Variants in LRRC36 observed in about 807,000 individuals in gnomAD.
LRRC36 encodes leucine rich repeat containing 36, also known as leucine-rich repeat-containing protein 36.
Under a neutral mutation model 81.1 loss-of-function variants are expected in LRRC36, and 62 were observed. The observed-to-expected ratio is 0.76, with a 90% confidence interval of 0.62 to 0.94. LRRC36 has a LOEUF of 0.94. Among genes scored for constraint, LRRC36 ranks in the 40% least tolerant of loss-of-function variants. The probability of loss-of-function intolerance (pLI) is 0.00; values close to 1 mark genes in which losing one functional copy is unlikely to be tolerated. For missense variants in LRRC36, 761 were observed against 881.7 expected (o/e 0.86, Z 1.73); for synonymous variants, 334 against 348.6 (o/e 0.96, Z 0.47).
At chr16:67,375,548 C>T (rs535044116) in intron 10 of LRRC36, 136 bp downstream of exon 10, 1 of 621,302 alleles carries the variant, frequency 1.6e-6, no homozygotes, top group Admixed American at 3.2e-5. Flanking sequence ...ATCTCAGAAA[C>T]ATCATAGTTA....
At chr16:67,341,144 A>G (rs2038053056) in intron 1 of LRRC36, among the ~76,000 whole-genome samples, 1 of 121,984 alleles carries the variant, frequency 8.2e-6, no homozygotes, top group Non-Finnish European at 1.7e-5. Context: ...ATTCTATAGA[A>G]TATGTACTCT....
At chr16:67,331,988 C>CA (rs909058321) in intron 1 of LRRC36, among the ~76,000 whole-genome samples, 51 of 129,040 alleles carry the variant, frequency 4.0e-4, no homozygotes, top group East Asian at 1.6e-3. Flanking sequence ...AACTCCATCT[C>CA]AAAAAAAAAA....
At chr16:67,366,921 G>A in intron 7 of LRRC36, 96 bp from the exon 8 acceptor site, 1 of 962,440 alleles carries the variant, frequency 1.0e-6, no homozygotes, top group South Asian at 1.6e-5. Context: ...AGGTGTTTCT[G>A]GCAGACAGAG....
chr16:67,359,844 T>G (rs1240588825), intron 5 of LRRC36, among the ~76,000 whole-genome samples: 1 of 152,180 alleles, frequency 6.6e-6, no homozygotes, highest in African/African-American at 2.4e-5. Flanking sequence ...GATTTTTGGC[T>G]GGGCATGGTG....
chr16:67,334,241 G>A (rs1323575633), intron 1 of LRRC36, among the ~76,000 whole-genome samples: 10 of 151,532 alleles, frequency 6.6e-5, no homozygotes, highest in African/African-American at 9.7e-5. Context: ...CCATGGTCTC[G>A]ATCTCCTGAC....
intron 7 of LRRC36, 142 bp from the exon 8 acceptor site, chr16:67,366,875 A>G (rs1241823957): frequency 3.1e-6 from 2 of 641,776 alleles, no homozygotes; most frequent in Non-Finnish European, 5.4e-6. Flanking sequence ...ACTTTATGCT[A>G]CCATTGATCA....
At chr16:67,362,590 C>A (rs780851784) in intron 5 of LRRC36, among the ~76,000 whole-genome samples, 3 of 152,192 alleles carry the variant, frequency 2.0e-5, no homozygotes, top group Non-Finnish European at 2.9e-5. Flanking sequence ...GGGGATGATA[C>A]TTCCACATTC....
intron 1 of LRRC36, among the ~76,000 whole-genome samples, chr16:67,331,135 T>C (rs1368118715): frequency 6.7e-6 from 1 of 148,980 alleles, no homozygotes; most frequent in Admixed American, 6.6e-5. Context: ...AATTCCTTTA[T>C]TAGGATAGCT....
intron 5 of LRRC36, among the ~76,000 whole-genome samples, chr16:67,360,977 G>A (rs770748483): frequency 2.4e-4 from 36 of 152,136 alleles, no homozygotes; most frequent in South Asian, 2.1e-4. Context: ...AGAATTATAC[G>A]TTAATAAATG....
chr16:67,376,981 T>C (rs2039925563), intron 11 of LRRC36, 109 bp downstream of exon 11: 1 of 1,216,118 alleles, frequency 8.2e-7, no homozygotes, highest in Non-Finnish European at 1.1e-6. Context: ...ATGGCAAAAG[T>C]CTGGGCACAG....
rs772682238 is a variant in LRRC36, at chr16:67,326,959, C to A, written c.70+27C>A. The A allele has an allele frequency of 2.7e-6, 4 of 1,488,176 alleles. No homozygotes were observed. The South Asian group carries it at 5.5e-5, about 20-fold the overall frequency. 92.2% of individuals were successfully genotyped at this position (1,488,176 alleles called of 1,614,324 possible). Reference sequence around the variant, plus strand: ...TAGGGTCTGGCCGGGAGGGTGTGGACTGGGAACGTAGGGTCAGAAGCTGTG... The same window carrying A: ...TAGGGTCTGGCCGGGAGGGTGTGGAATGGGAACGTAGGGTCAGAAGCTGTG... On this transcript the variant is annotated intron_variant, in intron 1 of 13. Transcript: ENST00000329956.
chr16:67,357,522 G>A (rs1027252351), intron 5 of LRRC36, among the ~76,000 whole-genome samples: 4 of 152,180 alleles, frequency 2.6e-5, no homozygotes, highest in African/African-American at 9.6e-5. Flanking sequence ...GAGAGGAAGG[G>A]GAGGAAAGAG....
chr16:67,358,782 A>C (rs1281841242), intron 5 of LRRC36, among the ~76,000 whole-genome samples: 2 of 152,194 alleles, frequency 1.3e-5, no homozygotes, highest in Non-Finnish European at 2.9e-5. Context: ...AAAGCACATG[A>C]AAGATGCTCA....
chr16:67,363,778 G>A (rs2039267603), intron 6 of LRRC36, 64 bp downstream of exon 6: 1 of 1,542,948 alleles, frequency 6.5e-7, no homozygotes, highest in Non-Finnish European at 8.9e-7. Context: ...TAATTCAGTG[G>A]GCTCTCAATT....
At chr16:67,336,764 TA>T (rs1301290427) in intron 1 of LRRC36, 1 of 132,686 alleles carries the variant, frequency 7.5e-6, no homozygotes, top group Non-Finnish European at 1.5e-5. Context: ...TTCTTTTGCC[TA>T]CTTTTTTTTT....
intron 12 of LRRC36, among the ~76,000 whole-genome samples, chr16:67,381,141 T>G (rs932138644): frequency 6.7e-6 from 1 of 150,206 alleles, no homozygotes; most frequent in Non-Finnish European, 1.5e-5. Flanking sequence ...GGAGAATTGC[T>G]TGAACCCAGG....
chr16:67,354,966 A>G (rs1357344715), intron 5 of LRRC36, among the ~76,000 whole-genome samples: 2 of 152,178 alleles, frequency 1.3e-5, no homozygotes, highest in African/African-American at 4.8e-5. Flanking sequence ...TACTGTCTCC[A>G]TAGTATTGCC....
intron 9 of LRRC36, chr16:67,371,550 C>T (rs753040419): frequency 2.6e-5 from 10 of 381,216 alleles, no homozygotes; most frequent in African/African-American, 6.2e-5. Context: ...ACATTTGCTT[C>T]GGCCACACAT....
intron 10 of LRRC36, 93 bp from the exon 11 acceptor site, chr16:67,376,634 C>T (rs1185065417): frequency 5.4e-6 from 7 of 1,296,584 alleles, no homozygotes; most frequent in Non-Finnish European, 5.4e-6. Context: ...ATACATTAGC[C>T]TATTTGATCC....
Sources: allele counts gnomAD v4.1 joint callset (sites outside exome capture counted in the v4.1 genomes callset), GRCh38; gene constraint gnomAD v4.1.1; transcripts MANE v1.5; gene names NCBI Gene and HGNC (gene_info 2026-07-23, HGNC 2026-07-21).